Variants in PRMT9 observed in about 807,000 individuals in gnomAD.
The protein encoded by PRMT9 is protein arginine methyltransferase 9, also known as protein arginine N-methyltransferase 9.
Under a neutral mutation model 83.2 loss-of-function variants are expected in PRMT9, and 59 were observed. The ratio of observed to expected loss-of-function variants is 0.71; its 90% CI spans 0.57 to 0.88. The LOEUF is 0.88. Among genes scored for constraint, PRMT9 ranks in the 40% least tolerant of loss-of-function variants. The pLI is 0.00. For synonymous variants in PRMT9, 333 were observed against 353.2 expected, an observed-to-expected ratio of 0.94 and a Z score of 0.64; for missense variants, 947 against 1,021.9, an observed-to-expected ratio of 0.93 and a Z score of 1.00.
intron 8 of PRMT9, among the ~76,000 whole-genome samples, chr4:147,655,962 C>T (rs1305839930): frequency 6.6e-6 from 1 of 152,184 alleles, no homozygotes; most frequent in Non-Finnish European, 1.5e-5. Context: ...ATGTCATTCA[C>T]TGAGTGCCAG....
Position 147,638,616 on chromosome 4 carries a change from A to T in PRMT9, c.2454T>A (p.Asn818Lys). Residue 818 changes from asparagine (N) to lysine (K), a missense_variant, in exon 12 of 12, where the codon AAT becomes AAA. Physicochemically the swap from Asn to Lys is moderately conservative, Grantham distance 94. Coordinates refer to ENST00000322396, the MANE Select transcript of PRMT9 (RefSeq NM_138364.4). The part of the protein sequence containing the change: ...HWKQAAVVLD[N>K]PIQVEMGEEL... ...CCTCTCCCATTTCAACCTGGATGGG[A>T]TTATCTAAAACAACTGCAGCTTGTT... 1 of 1,613,910 alleles carries T rather than the reference A, an allele frequency of 6.2e-7. No individual in the cohort carries two copies. The highest frequency in any genetic ancestry group is 1.3e-5 in the African/African-American group (1 of 75,016).
chr4:147,674,872 G>A (rs1335222262), intron 2 of PRMT9, among the ~76,000 whole-genome samples: 1 of 152,238 alleles, frequency 6.6e-6, no homozygotes, highest in East Asian at 1.9e-4. Context: ...ATCTGTGGGT[G>A]AGCAGCAATG....
intron 9 of PRMT9, among the ~76,000 whole-genome samples, chr4:147,645,366 A>G (rs1331150293): frequency 1.3e-5 from 2 of 152,330 alleles, no homozygotes; most frequent in Middle Eastern, 6.8e-3. Flanking sequence ...ACTAAATGCA[A>G]TGTAAGACTC....
intron 6 of PRMT9, among the ~76,000 whole-genome samples, chr4:147,664,226 T>G (rs1205241128): frequency 1.3e-5 from 2 of 152,214 alleles, no homozygotes; most frequent in South Asian, 4.1e-4. Context: ...GAGGATCACT[T>G]GAGCTTGGGA....
At position 147,638,252 on chromosome 4, in the gene PRMT9, G is replaced by A. The variant is rs74588992; in HGVS notation, c.*280C>T. On this transcript the variant is annotated 3_prime_UTR_variant, in exon 12 of 12. Coordinates refer to ENST00000322396, the MANE Select transcript of PRMT9 (RefSeq NM_138364.4). ...TGCTTTACTTACACATGTCAATAAC[G>A]ATAAGACTTTTAAAATCCCTATTCT... The A allele has an allele frequency of 5.4e-3, 2,186 of 408,494 alleles. 45 individuals carry two copies. The highest frequency in any genetic ancestry group is 0.039 in the African/African-American group (1,909 of 49,470). The allele number at this position is 408,494 out of a possible 1,614,324, so 25.3% of individuals were successfully genotyped here. A position where few individuals can be genotyped will look rare whatever the true frequency, so the allele number is the denominator to read the frequency against.
intron 5 of PRMT9, 37 bp from the exon 6 acceptor site, chr4:147,668,682 G>A (rs1228948859): frequency 1.7e-6 from 2 of 1,211,436 alleles, no homozygotes; most frequent in South Asian, 1.2e-5. Flanking sequence ...GTTATCACAT[G>A]TATGTAAAAA....
Position 147,670,733 on chromosome 4 carries a change from C to G in PRMT9, c.754G>C (p.Val252Leu). ...CCTGCATCGACAGTTTCTGTTACAA[C>G]TAGGGACACTCTATAGAATGATTTT... is the stretch of plus-strand genomic sequence containing the variant. ...PKHIPERVSL[V>L]VTETVDAGLF... Residue 252 changes from valine (V) to leucine (L), a missense_variant, in exon 5 of 12, where the codon GTT becomes CTT. Coordinates refer to ENST00000322396, the MANE Select transcript of PRMT9 (RefSeq NM_138364.4). 6.2e-7 allele frequency: 1 copy of G among 1,602,930 alleles called. No homozygotes were observed. The highest frequency in any genetic ancestry group is 8.5e-7 in the Non-Finnish European group (1 of 1,170,238).
intron 2 of PRMT9, 86 bp downstream of exon 2, chr4:147,680,237 T>C (rs1437272617): frequency 8.1e-7 from 1 of 1,228,984 alleles, no homozygotes; most frequent in Admixed American, 1.7e-5. Context: ...TATTAAACTT[T>C]CCCTGTTAAA....
chr4:147,681,700 T>C (rs1025662148), intron 1 of PRMT9, among the ~76,000 whole-genome samples: 7 of 151,864 alleles, frequency 4.6e-5, no homozygotes, highest in Admixed American at 1.3e-4. Context: ...GGCAGGAGAA[T>C]TGCTTGAACC....
Position 147,649,859 on chromosome 4 carries a change from T to C in PRMT9, c.2045+3993A>G, listed in dbSNP as rs568180853. Among the ~76,000 whole-genome samples the C allele has an allele frequency of 2.1e-3, 318 of 152,250 alleles. 3 individuals carry two copies. Among genetic ancestry groups the C allele is most frequent in the African/African-American group, 7.3e-3 (305 of 41,544 alleles). The stretch of plus-strand genomic sequence containing the variant: ...CAGGCACAGTGGCTCACACCTGTAA[T>C]CCCAACACTCTGGGAAGCCAAGGCA... On this transcript the variant is annotated intron_variant, in intron 9 of 11. Transcript: ENST00000322396.
At chr4:147,662,080 GT>G (rs1270723763) in intron 6 of PRMT9, among the ~76,000 whole-genome samples, 1 of 152,064 alleles carries the variant, frequency 6.6e-6, no homozygotes, top group Non-Finnish European at 1.5e-5. Context: ...GTTCAAGAAT[GT>G]TTATAGCTAC....
chr4:147,640,894 G>T (rs1328275947), intron 10 of PRMT9, among the ~76,000 whole-genome samples: 1 of 152,040 alleles, frequency 6.6e-6, no homozygotes, highest in African/African-American at 2.4e-5. Flanking sequence ...GCTAATTTTT[G>T]TAGAGAGACA....
intron 7 of PRMT9, 99 bp downstream of exon 7, chr4:147,660,747 T>G: frequency 1.4e-6 from 1 of 740,636 alleles, no homozygotes; most frequent in South Asian, 1.7e-5. Flanking sequence ...AAGTGGAATC[T>G]TCATGCAAAC....
At chr4:147,660,248 G>C (rs79730835) in intron 7 of PRMT9, among the ~76,000 whole-genome samples, 1,766 of 152,300 alleles carry the variant, frequency 0.012, 40 homozygotes, top group African/African-American at 0.04. Context: ...TTGTATGGCA[G>C]TATGTCATAA....
intron 3 of PRMT9, 149 bp downstream of exon 3, chr4:147,673,489 T>C (rs1364371805): frequency 3.0e-6 from 2 of 668,674 alleles, no homozygotes; most frequent in Admixed American, 2.6e-5. Flanking sequence ...ATAAAAGTTA[T>C]AGTAAAAAAC....
Position 147,673,881 on chromosome 4 carries a change from T to TA in PRMT9, c.339-8dup, listed in dbSNP as rs1442639392. 3.1e-6 allele frequency: 5 copies of TA among 1,607,716 alleles called. No individual in the cohort carries two copies. In the Admixed American group the frequency reaches 5.0e-5, roughly 16 times the overall value. Reference sequence around the variant, plus strand: ...TTCATCCCTAAAGCCCATTCTAGAGTAAAAAATGACAAAAGACAAAATATA... The same window carrying TA: ...TTCATCCCTAAAGCCCATTCTAGAGTAAAAAAATGACAAAAGACAAAATATA... On this transcript the variant is annotated splice_polypyrimidine_tract_variant and splice_region_variant and intron_variant, in intron 2 of 11. Coordinates refer to ENST00000322396, the MANE Select transcript of PRMT9 (RefSeq NM_138364.4).
intron 9 of PRMT9, among the ~76,000 whole-genome samples, chr4:147,648,635 G>A (rs1321486811): frequency 6.6e-6 from 1 of 152,202 alleles, no homozygotes; most frequent in Non-Finnish European, 1.5e-5. Context: ...TTTACAGCCT[G>A]TAAGAAGTAC....
intron 9 of PRMT9, among the ~76,000 whole-genome samples, chr4:147,648,524 A>G (rs1383232735): frequency 6.6e-6 from 1 of 152,212 alleles, no homozygotes; most frequent in Admixed American, 6.5e-5. Context: ...ATCCTTCATA[A>G]TAAATGAAAT....
At position 147,672,990 on chromosome 4, in the gene PRMT9, C is replaced by T. The variant is rs188951118; in HGVS notation, c.712G>A (p.Asp238Asn). The T allele has an allele frequency of 2.4e-5, 39 of 1,613,878 alleles. No individual in the cohort carries two copies. In the African/African-American group the frequency reaches 4.8e-4, roughly 20 times the overall value. ...GGAATATGTTTTGGAATCTCTATGT[C>T]AAGTGACTTCGTATGTAAGAGTTTG... ...GIKLLHTKSL[D>N]IEIPKHIPER... Residue 238 changes from aspartate (D) to asparagine (N), a missense_variant, in exon 4 of 12, where the codon GAC becomes AAC. Physicochemically the swap from Asp to Asn is conservative, Grantham distance 23 (BLOSUM62 1). Transcript: ENST00000322396.
Sources: gnomAD v4.1 joint callset for allele counts (sites outside exome capture counted in the v4.1 genomes callset) on GRCh38, gnomAD v4.1.1 for gene constraint, MANE v1.5 for transcripts, NCBI Gene and HGNC (gene_info 2026-07-23, HGNC 2026-07-21) for gene names.